The following CHERP variants were observed in gnomAD, a reference collection of about 807,000 sequenced individuals.
CHERP encodes the protein calcium homeostasis endoplasmic reticulum protein, also known as ERPROT 213-21.
Under a neutral mutation model 113.8 loss-of-function variants are expected in CHERP, and 8 were observed. The ratio of observed to expected loss-of-function variants is 0.07; its 90% CI spans 0.04 to 0.13. The LOEUF (loss-of-function observed/expected upper bound fraction) is 0.13, where lower values mean the gene tolerates loss of function less well. Ranked by LOEUF, CHERP falls within the 10% of genes least tolerant of loss-of-function variation. The probability of loss-of-function intolerance (pLI) is 1.00; values close to 1 mark genes in which losing one functional copy is unlikely to be tolerated. For missense variants in CHERP, 884 were observed against 1,298.2 expected, an observed-to-expected ratio of 0.68 and a Z score of 4.90; for synonymous variants, 559 against 524.5, an observed-to-expected ratio of 1.07 and a Z score of -0.90.
Position 16,523,577 on chromosome 19 carries a change from C to T in CHERP, c.1742-287G>A, listed in dbSNP as rs2085636567. On this transcript the variant is annotated intron_variant, in intron 10 of 16. Coordinates refer to ENST00000546361, the MANE Select transcript of CHERP (RefSeq NM_006387.6). The surrounding 1 kb of genome is among the most constrained non-coding windows in gnomAD (Gnocchi z 4.0). The stretch of plus-strand genomic sequence containing the variant: ...AGGGCTAAGTTGTGACCCTCCGAAT[C>T]CATACGCTGAGGTCCCAGCCCCCAG... Among the ~76,000 whole-genome samples, 1 of 152,190 alleles carries T rather than the reference C, an allele frequency of 6.6e-6. No homozygotes were observed. The highest frequency in any genetic ancestry group is 1.5e-5 in the Non-Finnish European group (1 of 68,028).
chr19:16,525,013 A>C lies in CHERP; in HGVS notation c.1741+229T>G, dbSNP rs980040713. Among the ~76,000 whole-genome samples, 1 of 152,158 alleles carries C rather than the reference A, an allele frequency of 6.6e-6. No homozygotes were observed. The highest frequency in any genetic ancestry group is 2.4e-5 in the African/African-American group (1 of 41,416). Reference sequence around the variant, plus strand: ...CCACCCACGGCAGGAACCTTTTCCTACTGGCTCTGCCTCATCTGCAGCCAG... The same window carrying C: ...CCACCCACGGCAGGAACCTTTTCCTCCTGGCTCTGCCTCATCTGCAGCCAG... On this transcript the variant is annotated intron_variant, in intron 10 of 16. Coordinates refer to ENST00000546361, the MANE Select transcript of CHERP (RefSeq NM_006387.6). This position sits in a 1 kb window ranked among gnomAD's most constrained non-coding sequence, Gnocchi z 6.5.
intron 2 of CHERP, 170 bp downstream of exon 2, chr19:16,541,700 A>G: frequency 4.5e-6 from 3 of 659,674 alleles, no homozygotes; most frequent in Non-Finnish European, 5.0e-6. Context: ...GGCACCCAGC[A>G]GCCGCTCTGT....
chr19:16,523,390 C>A lies in CHERP; in HGVS notation c.1742-100G>T, dbSNP rs1202318588. On this transcript the variant is annotated intron_variant, in intron 10 of 16. Coordinates refer to ENST00000546361, the MANE Select transcript of CHERP (RefSeq NM_006387.6). This position sits in a 1 kb window ranked among gnomAD's most constrained non-coding sequence, Gnocchi z 4.0. ...GCTCAGTGAAGGGCCAGGAGACGAA[C>A]CCCTCCTGGGAGCCTGTCCAGCATC... 9.3e-6 allele frequency: 13 copies of A among 1,394,020 alleles called. No individual in the cohort carries two copies. Among genetic ancestry groups the A allele is most frequent in the South Asian group, 1.2e-5 (1 of 80,978 alleles). The allele number at this position is 1,394,020 out of a possible 1,614,324, so 86.4% of individuals were successfully genotyped here.
At chr19:16,521,298 C>T (rs910144764) in intron 12 of CHERP, 1 of 577,708 alleles carries the variant, frequency 1.7e-6, no homozygotes, top group African/African-American at 1.9e-5. Flanking sequence ...GCCGCCGTGC[C>T]ACACCTTCCC....
chr19:16,526,117 T>C, intron 9 of CHERP: 2 of 173,942 alleles, frequency 1.1e-5, no homozygotes, highest in Non-Finnish European at 1.2e-5. Context: ...CCTGCCTCAC[T>C]CCCCCTCTCC....
intron 9 of CHERP, chr19:16,526,292 C>T (rs1021127854): frequency 6.6e-6 from 1 of 152,500 alleles, no homozygotes; most frequent in Non-Finnish European, 1.5e-5. Context: ...GGAGGGCAAA[C>T]TCCAGCTTGG....
intron 2 of CHERP, chr19:16,539,850 C>A (rs893407986): frequency 6.6e-6 from 1 of 152,270 alleles, no homozygotes; most frequent in South Asian, 2.1e-4. Context: ...CAGGGGGTCA[C>A]CATACTGACA....
chr19:16,523,029 T>C lies in CHERP; in HGVS notation c.1980+23A>G. 6.7e-7 allele frequency: 1 copy of C among 1,498,356 alleles called. No individual in the cohort carries two copies. Among genetic ancestry groups the C allele is most frequent in the African/African-American group, 1.4e-5 (1 of 69,136 alleles). The allele number at this position is 1,498,356 out of a possible 1,614,324, so 92.8% of individuals were successfully genotyped here. ...ACCAGTATGGTAAGCGTGCTCAGCT[T>C]GGAGCCCACTGTGGGGCATTACCTT... On this transcript the variant is annotated intron_variant, in intron 11 of 16. Coordinates refer to ENST00000546361, the MANE Select transcript of CHERP (RefSeq NM_006387.6). The surrounding 1 kb of genome is among the most constrained non-coding windows in gnomAD (Gnocchi z 4.0).
rs2085596589 is a variant in CHERP, at chr19:16,520,184, T to C, written c.2427A>G (p.Arg809=). The part of the protein sequence containing the change: ...RSRSKSYSPG[R]RRRSRSRSPT... ...GGCTCCTGGACCGTGACCGGCGTCT[T>C]CTTCCTGGGGAGTACGACTTGGACC... Residue 809 remains arginine (R), a synonymous_variant, in exon 15 of 17, where the codon AGA becomes AGG. Coordinates refer to ENST00000546361, the MANE Select transcript of CHERP (RefSeq NM_006387.6). This position sits in a 1 kb window ranked among gnomAD's most constrained non-coding sequence, Gnocchi z 4.0. 1.2e-6 allele frequency: 2 copies of C among 1,613,122 alleles called. No individual in the cohort carries two copies. Among genetic ancestry groups the C allele is most frequent in the African/African-American group, 2.7e-5 (2 of 74,928 alleles).
intron 2 of CHERP, among the ~76,000 whole-genome samples, chr19:16,538,356 C>G (rs2085755111): frequency 6.6e-6 from 1 of 152,214 alleles, no homozygotes; most frequent in Non-Finnish European, 1.5e-5. Flanking sequence ...CTCCAACACA[C>G]CCTTTACATC....
rs374902355 is a variant in CHERP at position 16,523,157 on chromosome 19, G to A, written c.1875C>T (p.His625=). 8.3e-6 allele frequency: 13 copies of A among 1,564,976 alleles called. No homozygotes were observed. In the South Asian group the frequency reaches 1.5e-4, roughly 18 times the overall value. The change falls in exon 11 of 17, where the codon CAC becomes CAT. Residue 625 remains histidine, a synonymous_variant. Transcript: ENST00000546361. This position sits in a 1 kb window ranked among gnomAD's most constrained non-coding sequence, Gnocchi z 4.0. The part of the protein sequence containing the change: ...PPHGFNGQPP[H]MRRQGPPHIN... ...TGTGGGGTGGGCCCTGTCGCCGCATGTGTGGGGGCTGCCCGTTGAAGCCAT... is the reference window on the plus strand; with the variant it reads ...TGTGGGGTGGGCCCTGTCGCCGCATATGTGGGGGCTGCCCGTTGAAGCCAT...
Position 16,520,321 on chromosome 19 carries a change from A to C in CHERP, c.2345+43T>G. ...CAGCCAGGCGTCGTGGGGAGGCCAC[A>C]GGAAGAGGCCTCAGGCACTGCCCTG... On this transcript the variant is annotated intron_variant, in intron 14 of 16. Coordinates refer to ENST00000546361, the MANE Select transcript of CHERP (RefSeq NM_006387.6). The surrounding 1 kb of genome is among the most constrained non-coding windows in gnomAD (Gnocchi z 4.0). 6.2e-7 allele frequency: 1 copy of C among 1,610,818 alleles called. No homozygotes were observed. The highest frequency in any genetic ancestry group is 8.5e-7 in the Non-Finnish European group (1 of 1,177,738).
intron 12 of CHERP, 138 bp from the exon 13 acceptor site, chr19:16,521,050 T>C: frequency 4.1e-6 from 3 of 736,466 alleles, no homozygotes; most frequent in South Asian, 3.1e-5. Context: ...ATGGGCGCAG[T>C]AGAGCTTGGT....
rs780722415 is a variant in CHERP, at chr19:16,519,229, T to C, written c.2681A>G (p.Tyr894Cys). 1.2e-6 allele frequency: 2 copies of C among 1,614,028 alleles called. No individual in the cohort carries two copies. ...KGVGVALDDP[Y>C]ENYRRNKSYS... Reference sequence around the variant, plus strand: ...GCTCTTGTTCCTGCGGTAGTTCTCATAGGGGTCATCCAGAGCCACGCCCAC... The same window carrying C: ...GCTCTTGTTCCTGCGGTAGTTCTCACAGGGGTCATCCAGAGCCACGCCCAC... Residue 894 changes from tyrosine (Y) to cysteine (C), a missense_variant, in exon 17 of 17, where the codon TAT (tyrosine) becomes TGT (cysteine). Physicochemically the swap from Tyr to Cys is radical, Grantham distance 194 (BLOSUM62 -2). Transcript: ENST00000546361. The surrounding 1 kb of genome is among the most constrained non-coding windows in gnomAD (Gnocchi z 6.0).
At position 16,535,865 on chromosome 19, in the gene CHERP, C is replaced by T. The variant is rs560812363; in HGVS notation, c.200-229G>A. Among the ~76,000 whole-genome samples, 5 of 152,204 alleles carry T rather than the reference C, an allele frequency of 3.3e-5. No homozygotes were observed. Among genetic ancestry groups the T allele is most frequent in the Admixed American group, 2.0e-4 (3 of 15,300 alleles). On this transcript the variant is annotated intron_variant, in intron 2 of 16. Coordinates refer to ENST00000546361, the MANE Select transcript of CHERP (RefSeq NM_006387.6). The surrounding 1 kb of genome is among the most constrained non-coding windows in gnomAD (Gnocchi z 4.3). ...TTCCATCTTCGGGCCGTCCCCTCCT[C>T]GGAGAACCTAGGAAGTCCCCTGGCC...
chr19:16,527,950 A>G (rs1285391301), intron 9 of CHERP, 130 bp downstream of exon 9: 1 of 932,994 alleles, frequency 1.1e-6, no homozygotes, highest in African/African-American at 1.7e-5. Flanking sequence ...AACCCAGCAT[A>G]AGCTCTGCCA....
rs565858119 is a variant in CHERP at position 16,518,992 on chromosome 19, C to T, written c.*167G>A. On this transcript the variant is annotated 3_prime_UTR_variant, in exon 17 of 17. Coordinates refer to ENST00000546361, the MANE Select transcript of CHERP (RefSeq NM_006387.6). Reference sequence around the variant, plus strand: ...CCCGTGCCCTCCACGCCATGGAGCACGGCGTTCCCACTGGGCATGCGCTGG... The same window carrying T: ...CCCGTGCCCTCCACGCCATGGAGCATGGCGTTCCCACTGGGCATGCGCTGG... The T allele has an allele frequency of 4.2e-5, 28 of 674,436 alleles. No homozygotes were observed. The highest frequency in any genetic ancestry group is 1.2e-4 in the Admixed American group (4 of 32,798). 41.8% of individuals were successfully genotyped at this position (674,436 alleles called of 1,614,324 possible). A position where few individuals can be genotyped will look rare whatever the true frequency, so the allele number is the denominator to read the frequency against.
intron 2 of CHERP, among the ~76,000 whole-genome samples, chr19:16,538,437 C>T (rs1002131028): frequency 6.6e-6 from 1 of 152,248 alleles, no homozygotes; most frequent in African/African-American, 2.4e-5. Flanking sequence ...GTAATCCCAG[C>T]ACTTTGGGAA....
Position 16,519,148 on chromosome 19 carries a change from G to A in CHERP, c.*11C>T, listed in dbSNP as rs545497880. 1.3e-4 allele frequency: 206 copies of A among 1,609,236 alleles called. 1 individual carries two copies. Among genetic ancestry groups the A allele is most frequent in the Admixed American group, 4.4e-4 (26 of 58,982 alleles). Reference sequence around the variant, plus strand: ...ACCGCTGGCCACCGGCGCGGCTCCCGGCATGGGCGCCTACTTACACTCGTC... The same window carrying A: ...ACCGCTGGCCACCGGCGCGGCTCCCAGCATGGGCGCCTACTTACACTCGTC... On this transcript the variant is annotated 3_prime_UTR_variant, in exon 17 of 17. Coordinates refer to ENST00000546361, the MANE Select transcript of CHERP (RefSeq NM_006387.6). The surrounding 1 kb of genome is among the most constrained non-coding windows in gnomAD (Gnocchi z 6.0).
Sources: gnomAD v4.1 joint callset for allele counts (sites outside exome capture counted in the v4.1 genomes callset) on GRCh38, gnomAD v4.1.1 for gene constraint, Gnocchi (gnomAD v3.1) non-coding constraint, MANE v1.5 for transcripts, NCBI Gene and HGNC (gene_info 2026-07-23, HGNC 2026-07-21) for gene names.